Variants in TAFA2 observed in about 807,000 individuals in gnomAD.
The protein encoded by TAFA2 is chemokine-like protein TAFA-2.
Under a neutral mutation model 18.8 loss-of-function variants are expected in TAFA2, and 7 were observed. The observed-to-expected ratio is 0.37, with a 90% CI of 0.21 to 0.70. TAFA2 has a LOEUF of 0.70. Among genes scored for constraint, TAFA2 ranks in the 30% least tolerant of loss-of-function variants. The pLI is 0.53. For synonymous variants in TAFA2, 60 were observed against 54.2 expected, an observed-to-expected ratio of 1.11 and a Z score of -0.47; for missense variants, 122 against 158.1, an observed-to-expected ratio of 0.77 and a Z score of 1.23.
At chr12:61,861,564 T>C (rs1049915507) in intron 2 of TAFA2, among the ~76,000 whole-genome samples, 1 of 152,162 alleles carries the variant, frequency 6.6e-6, no homozygotes, top group Non-Finnish European at 1.5e-5. Flanking sequence ...CTGCTCACTT[T>C]CATATCTCCA....
chr12:62,109,615 T>A (rs12425183), intron 1 of TAFA2, among the ~76,000 whole-genome samples: 26,360 of 152,154 alleles, frequency 0.17, 2,580 homozygotes, highest in East Asian at 0.37. Flanking sequence ...TCCATGAGCA[T>A]GAATGTTTTT....
chr12:62,120,328 A>C (rs1870137138), intron 1 of TAFA2, among the ~76,000 whole-genome samples: 4 of 152,200 alleles, frequency 2.6e-5, no homozygotes, highest in Admixed American at 2.6e-4. Context: ...TGTACATTTC[A>C]ATGGTCTCAT....
intron 1 of TAFA2, among the ~76,000 whole-genome samples, chr12:62,138,978 A>G (rs2062218745): frequency 6.6e-6 from 1 of 152,182 alleles, no homozygotes; most frequent in Admixed American, 6.6e-5. Context: ...GGTGAAAAAA[A>G]CAGTTTCCTT....
intron 1 of TAFA2, among the ~76,000 whole-genome samples, chr12:62,182,011 T>C (rs1156993586): frequency 7.0e-6 from 1 of 142,752 alleles, no homozygotes; most frequent in Non-Finnish European, 1.5e-5. Context: ...CTACACATAG[T>C]AGCTACTCAA....
intron 1 of TAFA2, among the ~76,000 whole-genome samples, chr12:62,167,171 T>C (rs1346291293): frequency 2.0e-5 from 3 of 152,056 alleles, no homozygotes; most frequent in African/African-American, 7.2e-5. Flanking sequence ...TTTTCTTAAA[T>C]TATAAACCAA....
intron 1 of TAFA2, among the ~76,000 whole-genome samples, chr12:62,138,064 C>T (rs893646932): frequency 6.6e-6 from 1 of 152,060 alleles, no homozygotes; most frequent in African/African-American, 2.4e-5. Context: ...CTCCTCAAAT[C>T]TTATGTCTTT....
At chr12:61,823,495 A>C (rs990622629) in intron 2 of TAFA2, among the ~76,000 whole-genome samples, 2 of 152,192 alleles carry the variant, frequency 1.3e-5, no homozygotes, top group South Asian at 4.1e-4. Context: ...CAGGTAGGCC[A>C]CAAATACCCC....
At chr12:61,788,637 C>A (rs1478149398) in intron 2 of TAFA2, among the ~76,000 whole-genome samples, 2 of 151,274 alleles carry the variant, frequency 1.3e-5, no homozygotes, top group African/African-American at 2.4e-5. Flanking sequence ...AAAAGATAAA[C>A]AAAATTTTGA....
intron 2 of TAFA2, among the ~76,000 whole-genome samples, chr12:61,859,438 G>GTTTTTGTT (rs774677674): frequency 9.1e-4 from 138 of 152,148 alleles, no homozygotes; most frequent in Middle Eastern, 3.4e-3. Flanking sequence ...GCAATATTTT[G>GTTTTTGTT]TTTTTGTTTT....
intron 1 of TAFA2, among the ~76,000 whole-genome samples, chr12:62,053,682 G>A (rs904308110): frequency 1.3e-5 from 2 of 152,026 alleles, no homozygotes; most frequent in African/African-American, 2.4e-5. Flanking sequence ...ACCCCTTTTC[G>A]CTCCTTTACA....
At chr12:61,989,767 T>C (rs1290795859) in intron 1 of TAFA2, among the ~76,000 whole-genome samples, 1 of 152,166 alleles carries the variant, frequency 6.6e-6, no homozygotes, top group Non-Finnish European at 1.5e-5. Context: ...CCTCATAGCC[T>C]GCTAAAATAA....
At chr12:61,904,973 G>A (rs1876280585) in intron 1 of TAFA2, among the ~76,000 whole-genome samples, 1 of 152,070 alleles carries the variant, frequency 6.6e-6, no homozygotes, top group African/African-American at 2.4e-5. Context: ...ATCTTCAACA[G>A]GTTGCCATTA....
At chr12:61,816,472 G>T (rs1872090462) in intron 2 of TAFA2, among the ~76,000 whole-genome samples, 1 of 151,248 alleles carries the variant, frequency 6.6e-6, no homozygotes, top group South Asian at 2.1e-4. Context: ...GAATAGTGCT[G>T]CAATGAACAT....
chr12:62,006,802 GC>G (rs1297108954), intron 1 of TAFA2, among the ~76,000 whole-genome samples: 2 of 152,066 alleles, frequency 1.3e-5, no homozygotes, highest in African/African-American at 4.8e-5. Flanking sequence ...TCATTAGTAA[GC>G]CCCCATCAAC....
intron 4 of TAFA2, among the ~76,000 whole-genome samples, chr12:61,750,561 A>G (rs951182281): frequency 1.3e-5 from 2 of 152,142 alleles, no homozygotes; most frequent in Non-Finnish European, 2.9e-5. Context: ...TCACATTTGT[A>G]GTAAGTACAA....
intron 1 of TAFA2, among the ~76,000 whole-genome samples, chr12:62,182,831 T>A (rs959342442): frequency 1.3e-5 from 2 of 152,232 alleles, no homozygotes; most frequent in Non-Finnish European, 2.9e-5. Flanking sequence ...ATTTAACTAT[T>A]TTAATTATTT....
At chr12:61,756,723 C>T (rs909065054) in intron 2 of TAFA2, among the ~76,000 whole-genome samples, 1 of 152,006 alleles carries the variant, frequency 6.6e-6, no homozygotes, top group Admixed American at 6.6e-5. Context: ...TAACATGATT[C>T]AGAGTAATTT....
intron 1 of TAFA2, among the ~76,000 whole-genome samples, chr12:62,105,779 GA>G (rs1440639866): frequency 1.3e-5 from 2 of 152,128 alleles, no homozygotes; most frequent in Non-Finnish European, 2.9e-5. Context: ...TGTGTAATAC[GA>G]ATCAATAGCC....
intron 2 of TAFA2, among the ~76,000 whole-genome samples, chr12:61,856,636 T>C (rs1873896595): frequency 6.6e-6 from 1 of 151,980 alleles, no homozygotes; most frequent in African/African-American, 2.4e-5. Flanking sequence ...CTAGTCTAGA[T>C]CATTTTTGTT....
Sources: allele counts gnomAD v4.1 joint callset (sites outside exome capture counted in the v4.1 genomes callset), GRCh38; gene constraint gnomAD v4.1.1; transcripts MANE v1.5; gene names NCBI Gene and HGNC (gene_info 2026-07-23, HGNC 2026-07-21).